DDC: variants seen among roughly 807,000 people sequenced by gnomAD.
The protein encoded by DDC is dopa decarboxylase, also known as aromatic-L-amino-acid decarboxylase.
Under a neutral mutation model 60.0 loss-of-function variants are expected in DDC, and 43 were observed. The ratio of observed to expected loss-of-function variants is 0.72; its 90% CI spans 0.56 to 0.92. DDC has a LOEUF of 0.92. Among genes scored for constraint, DDC ranks in the 40% least tolerant of loss-of-function variants. The pLI is 0.00. For synonymous variants in DDC, 232 were observed against 234.6 expected, an observed-to-expected ratio of 0.99 and a Z score of 0.10; for missense variants, 573 against 620.2, an observed-to-expected ratio of 0.92 and a Z score of 0.81.
At chr7:50,534,645 G>T (rs1284524728) in intron 4 of DDC, among the ~76,000 whole-genome samples, 1 of 151,886 alleles carries the variant, frequency 6.6e-6, no homozygotes, top group Non-Finnish European at 1.5e-5. Context: ...AAATGGAAAA[G>T]AAATGGAAAA....
At chr7:50,470,303 G>A in intron 11 of DDC, 132 bp from the exon 12 acceptor site, 1 of 739,254 alleles carries the variant, frequency 1.4e-6, no homozygotes. Flanking sequence ...CCATTGCCAT[G>A]GCCTGTCTTG....
intron 6 of DDC, among the ~76,000 whole-genome samples, chr7:50,510,267 A>G (rs1405086749): frequency 2.0e-5 from 3 of 151,890 alleles, no homozygotes; most frequent in South Asian, 2.1e-4. Context: ...GAGCCACCGC[A>G]CCTGGCCACT....
At chr7:50,515,267 C>T (rs556272684) in intron 6 of DDC, among the ~76,000 whole-genome samples, 51 of 152,276 alleles carry the variant, frequency 3.3e-4, no homozygotes, top group African/African-American at 1.2e-3. Flanking sequence ...CCTCCTCAAA[C>T]AAAACAATTG....
intron 4 of DDC, among the ~76,000 whole-genome samples, chr7:50,537,641 C>G (rs901608878): frequency 1.3e-5 from 2 of 152,184 alleles, no homozygotes; most frequent in Admixed American, 1.3e-4. Flanking sequence ...GAACTGAGTG[C>G]CCTGCCCTGG....
intron 1 of DDC, among the ~76,000 whole-genome samples, chr7:50,558,161 G>A (rs1217979210): frequency 6.7e-6 from 1 of 150,312 alleles, no homozygotes; most frequent in Non-Finnish European, 1.5e-5. Flanking sequence ...GTTCACAAGA[G>A]ATCATAACCA....
chr7:50,472,146 C>A (rs1181054660), intron 11 of DDC, among the ~76,000 whole-genome samples: 1 of 152,164 alleles, frequency 6.6e-6, no homozygotes, highest in African/African-American at 2.4e-5. Flanking sequence ...ACAGCTGTGA[C>A]CCCTGTGTAC....
chr7:50,519,848 C>T (rs1379891686), intron 6 of DDC, among the ~76,000 whole-genome samples: 2 of 152,082 alleles, frequency 1.3e-5, no homozygotes, highest in Non-Finnish European at 2.9e-5. Context: ...AAGGAATTTA[C>T]TCATGTAACC....
At chr7:50,477,702 T>A (rs1276958602) in intron 10 of DDC, 1 of 337,024 alleles carries the variant, frequency 3.0e-6, no homozygotes, top group African/African-American at 2.2e-5. Context: ...CCCTGTTTTA[T>A]GAGTGACCCT....
intron 7 of DDC, among the ~76,000 whole-genome samples, chr7:50,500,617 C>T (rs1430923594): frequency 6.6e-6 from 1 of 152,192 alleles, no homozygotes; most frequent in African/African-American, 2.4e-5. Flanking sequence ...ATGCAAGCAC[C>T]AGGTGAGACT....
rs755763725 is a variant in DDC, at chr7:50,493,033, A to T, written c.944+2317T>A. ...GAGGGCAGGACGCCGCATTCATTAC[A>T]CTCCTTCTTATCGTGTGTCAATATT... On this transcript the variant is annotated intron_variant, in intron 9 of 14. Coordinates refer to ENST00000444124, the MANE Select transcript of DDC (RefSeq NM_001082971.2). 5 of 1,556,660 alleles carry T rather than the reference A, an allele frequency of 3.2e-6. No homozygotes were observed. The South Asian group carries it at 5.6e-5, about 17-fold the overall frequency.
chr7:50,535,932 G>A (rs552722468), intron 4 of DDC, among the ~76,000 whole-genome samples: 1 of 152,278 alleles, frequency 6.6e-6, no homozygotes, highest in South Asian at 2.1e-4. Flanking sequence ...CTTATATGTG[G>A]TCACAAGGAG....
At chr7:50,485,814 C>T (rs1307978112) in intron 9 of DDC, among the ~76,000 whole-genome samples, 1 of 152,206 alleles carries the variant, frequency 6.6e-6, no homozygotes, top group African/African-American at 2.4e-5. Context: ...ACTCTCCCCA[C>T]TCCCTGTCTC....
intron 9 of DDC, among the ~76,000 whole-genome samples, chr7:50,485,542 A>G (rs2153537293): frequency 6.6e-6 from 1 of 152,360 alleles, no homozygotes; most frequent in East Asian, 1.9e-4. Flanking sequence ...TATGTTGTTT[A>G]CTGAATTAGT....
intron 9 of DDC, among the ~76,000 whole-genome samples, chr7:50,491,600 G>T (rs529248279): frequency 6.4e-4 from 98 of 152,224 alleles, no homozygotes; most frequent in Non-Finnish European, 1.2e-3. Flanking sequence ...AAATAAGCTG[G>T]ATGCTTTCAT....
chr7:50,555,533 C>CCA (rs898123309), intron 1 of DDC, among the ~76,000 whole-genome samples: 1 of 151,936 alleles, frequency 6.6e-6, no homozygotes, highest in Admixed American at 6.6e-5. Context: ...AGCCAGGGCA[C>CCA]CACACACACA....
intron 3 of DDC, 101 bp downstream of exon 3, chr7:50,539,814 C>T: frequency 1.2e-6 from 1 of 842,848 alleles, no homozygotes; most frequent in South Asian, 1.4e-5. Flanking sequence ...CCACAGACAG[C>T]ACCGCCATCT....
intron 10 of DDC, 125 bp downstream of exon 10, chr7:50,479,662 C>T (rs2042723642): frequency 1.1e-6 from 1 of 883,408 alleles, no homozygotes; most frequent in East Asian, 2.4e-5. Context: ...TGCACAGCAC[C>T]CCGTCTTCTC....
chr7:50,475,962 T>A (rs2042634201), intron 11 of DDC, among the ~76,000 whole-genome samples: 1 of 152,090 alleles, frequency 6.6e-6, no homozygotes, highest in African/African-American at 2.4e-5. Flanking sequence ...AGTGCTGGGA[T>A]TACAGGAGTG....
chr7:50,551,784 A>G (rs2045003720), intron 1 of DDC, among the ~76,000 whole-genome samples: 1 of 152,168 alleles, frequency 6.6e-6, no homozygotes, highest in African/African-American at 2.4e-5. Context: ...TGAGAATGTC[A>G]ATTTTTATGT....
Sources: gnomAD v4.1 joint callset for allele counts (sites outside exome capture counted in the v4.1 genomes callset) on GRCh38, gnomAD v4.1.1 for gene constraint, MANE v1.5 for transcripts, NCBI Gene and HGNC (gene_info 2026-07-23, HGNC 2026-07-21) for gene names.